Variants in DOCK4 observed in about 807,000 individuals in gnomAD.
The protein encoded by DOCK4 is dedicator of cytokinesis protein 4.
In DOCK4, 97 loss-of-function variants were observed where a neutral mutation model predicts 268.1. The observed-to-expected ratio is 0.36, with a 90% CI of 0.31 to 0.43. The LOEUF is 0.43. DOCK4 is among the 20% of genes least tolerant of loss of function. The pLI, the probability that DOCK4 is intolerant of heterozygous loss-of-function variation, is 1.00. For missense variants in DOCK4, 2,145 were observed against 2,455.7 expected, an observed-to-expected ratio of 0.87 and a Z score of 2.67; for synonymous variants, 954 against 887.2, an observed-to-expected ratio of 1.08 and a Z score of -1.34.
intron 1 of DOCK4, among the ~76,000 whole-genome samples, chr7:112,196,449 A>G (rs1473002853): frequency 6.6e-6 from 1 of 152,186 alleles, no homozygotes; most frequent in Non-Finnish European, 1.5e-5. Context: ...TACACTTCTC[A>G]ATGGTGAAGT....
In DOCK4 at chr7:111,954,503, G is replaced by C. The variant is rs551546367; in HGVS notation, c.702-8705C>G. The stretch of plus-strand genomic sequence containing the variant: ...TTCCCAACTGAAAGATTCTCCCCAG[G>C]GCCTGAAAGCTTAAGGGAATGAATA... On this transcript the variant is annotated intron_variant, in intron 8 of 52. Coordinates refer to ENST00000428084, the MANE Select transcript of DOCK4 (RefSeq NM_001363540.2). 2.0e-5 allele frequency among the ~76,000 whole-genome samples: 3 copies of C among 152,226 alleles called. No homozygotes were observed. In the East Asian group the frequency reaches 5.8e-4, roughly 29 times the overall value.
chr7:112,051,822 T>C (rs564534513), intron 1 of DOCK4, among the ~76,000 whole-genome samples: 2 of 152,258 alleles, frequency 1.3e-5, no homozygotes, highest in East Asian at 3.9e-4. Flanking sequence ...TTCCAAAGAC[T>C]ATTCCAATTT....
intron 3 of DOCK4, among the ~76,000 whole-genome samples, chr7:111,999,505 G>C (rs569719586): frequency 1.3e-5 from 2 of 151,914 alleles, no homozygotes; most frequent in Non-Finnish European, 2.9e-5. Flanking sequence ...CTCAAATATG[G>C]TCTAAATGAA....
At chr7:112,142,332 G>A (rs958533475) in intron 1 of DOCK4, among the ~76,000 whole-genome samples, 1 of 152,060 alleles carries the variant, frequency 6.6e-6, no homozygotes, top group East Asian at 1.9e-4. Context: ...TTTCACTATT[G>A]TATGTTAGGC....
chr7:111,885,344 T>C (rs1807746763), intron 16 of DOCK4, among the ~76,000 whole-genome samples: 1 of 152,222 alleles, frequency 6.6e-6, no homozygotes. Context: ...TTCTGAGGAA[T>C]ACTTGTAAAA....
chr7:112,037,017 C>A (rs997614584), intron 1 of DOCK4, among the ~76,000 whole-genome samples: 5 of 152,146 alleles, frequency 3.3e-5, no homozygotes, highest in African/African-American at 1.2e-4. Flanking sequence ...GTAGAAACCA[C>A]ACTTCAAATT....
Position 111,985,155 on chromosome 7 carries a change from C to T in DOCK4, c.465-765G>A, listed in dbSNP as rs890174393. On this transcript the variant is annotated intron_variant, in intron 6 of 52. Coordinates refer to ENST00000428084, the MANE Select transcript of DOCK4 (RefSeq NM_001363540.2). ...TCTATTCTGGTTAGCTTCCCTCTAGCGACCTTCCTAGCATGATCCCCTCCA... is the reference window on the plus strand; with the variant it reads ...TCTATTCTGGTTAGCTTCCCTCTAGTGACCTTCCTAGCATGATCCCCTCCA... Among the ~76,000 whole-genome samples, 29 of 152,104 alleles carry T rather than the reference C, an allele frequency of 1.9e-4. 1 individual carries two copies. The highest frequency in any genetic ancestry group is 6.3e-4 in the African/African-American group (26 of 41,410).
intron 1 of DOCK4, among the ~76,000 whole-genome samples, chr7:112,018,883 T>C (rs879811690): frequency 3.9e-5 from 6 of 152,132 alleles, no homozygotes; most frequent in Admixed American, 6.6e-5. Context: ...GATTTCACAA[T>C]AGGTTAATTA....
intron 1 of DOCK4, among the ~76,000 whole-genome samples, chr7:112,117,871 C>T (rs906095058): frequency 7.9e-5 from 12 of 152,100 alleles, no homozygotes; most frequent in Non-Finnish European, 1.8e-4. Context: ...TCATGACATG[C>T]CTCTTCCTTT....
chr7:112,125,975 A>AT (rs898149505), intron 1 of DOCK4, among the ~76,000 whole-genome samples: 20 of 152,126 alleles, frequency 1.3e-4, no homozygotes, highest in Middle Eastern at 3.4e-3. Flanking sequence ...TGCATGACTA[A>AT]TTTTTTGTAG....
intron 22 of DOCK4, among the ~76,000 whole-genome samples, chr7:111,863,830 C>T (rs1477104386): frequency 6.6e-6 from 1 of 152,092 alleles, no homozygotes; most frequent in African/African-American, 2.4e-5. Flanking sequence ...TTGACAAAAA[C>T]CTCACAGAAT....
intron 30 of DOCK4, among the ~76,000 whole-genome samples, chr7:111,794,648 C>T (rs1799767445): frequency 6.6e-6 from 1 of 152,182 alleles, no homozygotes; most frequent in Admixed American, 6.5e-5. Flanking sequence ...TTCCCTATGG[C>T]AGGCACTGCT....
At chr7:111,846,232 T>C (rs1804087953) in intron 24 of DOCK4, among the ~76,000 whole-genome samples, 1 of 152,176 alleles carries the variant, frequency 6.6e-6, no homozygotes, top group African/African-American at 2.4e-5. Flanking sequence ...AGGAACAGGA[T>C]TCTTGGCACT....
chr7:111,750,171 G>A (rs1796538355), intron 42 of DOCK4, among the ~76,000 whole-genome samples: 1 of 152,330 alleles, frequency 6.6e-6, no homozygotes, highest in African/African-American at 2.4e-5. Flanking sequence ...TACCAGGAAG[G>A]ATGGTAAAGG....
At position 111,769,658 on chromosome 7, in the gene DOCK4, G is replaced by C; in HGVS notation, c.3699C>G (p.Leu1233=). The C allele has an allele frequency of 6.2e-7, 1 of 1,613,682 alleles. No individual in the cohort carries two copies. Among genetic ancestry groups the C allele is most frequent in the East Asian group, 2.2e-5 (1 of 44,826 alleles). ...QNFTEAAYTL[L]LYDELLEWSD... is the part of the protein sequence containing the mutation. ...ACCATTCCAGTAGCTCGTCATATAA[G>C]AGGAGGGTATATGCAGCTTCTGCAA... The change falls in exon 37 of 53, where the codon CTC becomes CTG. Residue 1233 remains leucine, a synonymous_variant. Coordinates refer to ENST00000428084, the MANE Select transcript of DOCK4 (RefSeq NM_001363540.2).
intron 1 of DOCK4, among the ~76,000 whole-genome samples, chr7:112,068,374 A>G (rs1341934954): frequency 6.6e-6 from 1 of 152,194 alleles, no homozygotes; most frequent in Non-Finnish European, 1.5e-5. Context: ...GTAGCATAGT[A>G]CTATGATTAA....
At chr7:112,146,473 T>C (rs1257921415) in intron 1 of DOCK4, among the ~76,000 whole-genome samples, 1 of 152,218 alleles carries the variant, frequency 6.6e-6, no homozygotes, top group Non-Finnish European at 1.5e-5. Context: ...GGCTCATGCC[T>C]GTAATCCCAG....
At chr7:112,178,533 G>C (rs1818720048) in intron 1 of DOCK4, among the ~76,000 whole-genome samples, 1 of 152,136 alleles carries the variant, frequency 6.6e-6, no homozygotes, top group African/African-American at 2.4e-5. Flanking sequence ...TACCCACCAT[G>C]AAATAACAGT....
intron 12 of DOCK4, 124 bp downstream of exon 12, chr7:111,935,416 T>G: frequency 1.2e-6 from 1 of 815,818 alleles, no homozygotes; most frequent in Non-Finnish European, 2.1e-6. Context: ...ATTGAGCATT[T>G]TTAAAGTTAG....
Sources: allele counts gnomAD v4.1 joint callset (sites outside exome capture counted in the v4.1 genomes callset), GRCh38; gene constraint gnomAD v4.1.1; transcripts MANE v1.5; gene names NCBI Gene and HGNC (gene_info 2026-07-23, HGNC 2026-07-21).